The following KRABD2 variants were observed in gnomAD, a reference collection of about 807,000 sequenced individuals.
KRABD2 encodes the protein KRAB domain containing 2.
At chr17:8,367,957 C>CAAAA in the KRABD2 span, among the ~76,000 whole-genome samples, 1 of 86,506 alleles carries the variant, frequency 1.2e-5, no homozygotes, top group Non-Finnish European at 2.3e-5. Flanking sequence ...AAGTTAAGAG[C>CAAAA]AAAAAAAAAA....
At chr17:8,373,237 C>G in the KRABD2 span, among the ~76,000 whole-genome samples, 1 of 152,214 alleles carries the variant, frequency 6.6e-6, no homozygotes, top group Non-Finnish European at 1.5e-5. Context: ...CGAGGCTGGA[C>G]TGTACTGCCG....
the KRABD2 span, among the ~76,000 whole-genome samples, chr17:8,364,521 G>A: frequency 6.6e-6 from 1 of 152,110 alleles, no homozygotes; most frequent in Non-Finnish European, 1.5e-5. This position sits in a 1 kb window ranked among gnomAD's most constrained non-coding sequence, Gnocchi z 4.4. Flanking sequence ...CCCCGCAGTG[G>A]CCTTTCTTCA....
the KRABD2 span, chr17:8,371,327 C>T: frequency 6.2e-7 from 1 of 1,612,418 alleles, no homozygotes; most frequent in South Asian, 1.1e-5. Flanking sequence ...ACCGTGTTCT[C>T]ATAACTGTCC....
the KRABD2 span, among the ~76,000 whole-genome samples, chr17:8,373,163 C>CTCCGTT: frequency 9.2e-5 from 14 of 151,590 alleles, no homozygotes; most frequent in African/African-American, 3.4e-4. Context: ...CCGTCTCCGT[C>CTCCGTT]TCCGTCTCCG....
the KRABD2 span, among the ~76,000 whole-genome samples, chr17:8,364,555 T>C: frequency 6.6e-6 from 1 of 152,122 alleles, no homozygotes; most frequent in African/African-American, 2.4e-5. The surrounding 1 kb of genome is among the most constrained non-coding windows in gnomAD (Gnocchi z 4.4). Flanking sequence ...GAAACGAATA[T>C]GCATGTGAGT....
the KRABD2 span, chr17:8,376,412 G>A: frequency 2.8e-5 from 31 of 1,105,394 alleles, no homozygotes; most frequent in Middle Eastern, 3.8e-4. Flanking sequence ...TGCAGATAAG[G>A]CACTTAATAC....
At chr17:8,358,843 A>G in the KRABD2 span, among the ~76,000 whole-genome samples, 1 of 152,092 alleles carries the variant, frequency 6.6e-6, no homozygotes. Context: ...ATATTTCAAC[A>G]TCTATTTCCT....
chr17:8,374,597 T>C, the KRABD2 span, among the ~76,000 whole-genome samples: 1 of 126,938 alleles, frequency 7.9e-6, no homozygotes. Flanking sequence ...TCCCCCTCTC[T>C]GAGAAACACC....
chr17:8,365,200 G>T, the KRABD2 span, among the ~76,000 whole-genome samples: 1 of 152,128 alleles, frequency 6.6e-6, no homozygotes. Context: ...ACATTAAGAT[G>T]CAAAAGAGGA....
At chr17:8,371,955 CG>C in the KRABD2 span, 2 of 988,670 alleles carry the variant, frequency 2.0e-6, no homozygotes, top group Non-Finnish European at 2.4e-6. Context: ...TCAGAACAGC[CG>C]TAAGACAGGA....
the KRABD2 span, among the ~76,000 whole-genome samples, chr17:8,373,230 G>C: frequency 6.6e-6 from 1 of 152,294 alleles, no homozygotes; most frequent in Non-Finnish European, 1.5e-5. Context: ...GCCAAGCCGA[G>C]GCTGGACTGT....
At chr17:8,371,555 A>T in the KRABD2 span, 1 of 1,573,534 alleles carries the variant, frequency 6.4e-7, no homozygotes, top group Non-Finnish European at 8.7e-7. Flanking sequence ...GGACTCTGAA[A>T]GCGAGTCAGG....
chr17:8,369,974 G>A, the KRABD2 span: 1 of 1,614,196 alleles, frequency 6.2e-7, no homozygotes, highest in Non-Finnish European at 8.5e-7. Flanking sequence ...GCAGCTCCTT[G>A]AGCATGCGTG....
At chr17:8,364,653 A>G in the KRABD2 span, among the ~76,000 whole-genome samples, 1 of 152,224 alleles carries the variant, frequency 6.6e-6, no homozygotes, top group African/African-American at 2.4e-5. This position sits in a 1 kb window ranked among gnomAD's most constrained non-coding sequence, Gnocchi z 4.4. Flanking sequence ...CTGTGGCCAC[A>G]TATGCCGAGT....
the KRABD2 span, chr17:8,368,913 G>T: frequency 1.5e-6 from 1 of 676,654 alleles, no homozygotes; most frequent in African/African-American, 1.8e-5. Flanking sequence ...CTGGGATTAC[G>T]GGCATGAGCG....
the KRABD2 span, chr17:8,371,386 C>G: frequency 9.3e-6 from 15 of 1,613,960 alleles, no homozygotes; most frequent in Admixed American, 2.3e-4. Context: ...TAAATAATTC[C>G]AATCTTTGGT....
the KRABD2 span, among the ~76,000 whole-genome samples, chr17:8,361,949 G>A: frequency 6.6e-6 from 1 of 152,166 alleles, no homozygotes; most frequent in Non-Finnish European, 1.5e-5. Flanking sequence ...CTTTATGAGA[G>A]GAAAATTAAG....
chr17:8,371,612 G>C, the KRABD2 span: 1 of 1,476,630 alleles, frequency 6.8e-7, no homozygotes, highest in Non-Finnish European at 9.0e-7. Flanking sequence ...CTAACAAGAT[G>C]AGTACAGCTT....
chr17:8,370,906 C>T, the KRABD2 span, among the ~76,000 whole-genome samples: 44 of 152,026 alleles, frequency 2.9e-4, no homozygotes, highest in African/African-American at 1.0e-3. Flanking sequence ...CAGTGGCTCA[C>T]GCCTGTAATC....
Sources: gnomAD v4.1 joint callset for allele counts (sites outside exome capture counted in the v4.1 genomes callset) on GRCh38, gnomAD v4.1.1 for gene constraint, Gnocchi (gnomAD v3.1) non-coding constraint, MANE v1.5 for transcripts, NCBI Gene and HGNC (gene_info 2026-07-23, HGNC 2026-07-21) for gene names.